ARPC2: variants seen among roughly 807,000 people sequenced by gnomAD.
ARPC2 encodes actin-related protein 2/3 complex subunit 2.
A neutral mutation model predicts 38.6 loss-of-function variants in ARPC2; 4 were observed. That is an observed-to-expected ratio of 0.10 (90% CI 0.05 to 0.24). The LOEUF is 0.24. ARPC2 is among the 10% of genes least tolerant of loss of function. The probability of loss-of-function intolerance (pLI) is 1.00; values close to 1 mark genes in which losing one functional copy is unlikely to be tolerated. For missense variants in ARPC2, 229 were observed against 387.3 expected, an observed-to-expected ratio of 0.59 and a Z score of 3.43; for synonymous variants, 125 against 140.8, an observed-to-expected ratio of 0.89 and a Z score of 0.79.
chr2:218,217,603 C>A, intron 2 of ARPC2, 59 bp downstream of exon 2: 1 of 1,507,590 alleles, frequency 6.6e-7, no homozygotes, highest in South Asian at 1.2e-5. Context: ...CCAGCTAATC[C>A]CCAATGTTGT....
intron 7 of ARPC2, among the ~76,000 whole-genome samples, chr2:218,239,820 C>A (rs181326688): frequency 2.6e-5 from 4 of 151,862 alleles, no homozygotes; most frequent in Admixed American, 2.6e-4. Context: ...CTCAAACTGC[C>A]GACCTCAGGT....
Position 218,245,455 on chromosome 2 carries a change from C to T in ARPC2, c.585C>T (p.Ala195=), listed in dbSNP as rs1343867007. The T allele has an allele frequency of 1.2e-6, 2 of 1,614,010 alleles. No individual in the cohort carries two copies. Among genetic ancestry groups the T allele is most frequent in the African/African-American group, 1.3e-5 (1 of 74,890 alleles). ...AAGGACGCAGAGCCAGCCACACAGC[C>T]CCACAGGTCCTCTTTAGCCACAGGG... is the stretch of plus-strand genomic sequence containing the variant. ...FKEGRRASHT[A]PQVLFSHREP... The change falls in exon 8 of 11, where the codon GCC becomes GCT. Residue 195 remains alanine (A), a synonymous_variant. Transcript: ENST00000315717.
intron 4 of ARPC2, chr2:218,232,996 C>G (rs1482846082): frequency 6.6e-6 from 1 of 151,052 alleles, no homozygotes; most frequent in African/African-American, 2.4e-5. Flanking sequence ...GTCACAGTGG[C>G]AATTAAATTT....
intron 3 of ARPC2, among the ~76,000 whole-genome samples, chr2:218,228,175 T>C (rs910697145): frequency 6.6e-6 from 1 of 151,870 alleles, no homozygotes; most frequent in African/African-American, 2.4e-5. Flanking sequence ...GAGGCTGAGG[T>C]GGGCAGATCA....
chr2:218,226,658 A>AT, intron 3 of ARPC2, among the ~76,000 whole-genome samples: 1 of 146,572 alleles, frequency 6.8e-6, no homozygotes, highest in Admixed American at 6.8e-5. Context: ...AAGCTTTGAC[A>AT]TTTTGGATAC....
intron 4 of ARPC2, 95 bp downstream of exon 4, chr2:218,228,945 C>T (rs1206564681): frequency 1.4e-6 from 1 of 740,736 alleles, no homozygotes; most frequent in Non-Finnish European, 2.3e-6. Context: ...AAATCACCCC[C>T]ACATGACTAC....
chr2:218,225,976 C>T, intron 3 of ARPC2, 22 bp downstream of exon 3: 3 of 1,612,296 alleles, frequency 1.9e-6, no homozygotes, highest in Non-Finnish European at 2.5e-6. Flanking sequence ...TATCTCAGCC[C>T]TCTGAAGAGA....
rs1157605559 is a variant in ARPC2 at position 218,254,300 on chromosome 2, C to G, written c.*385C>G. 5.2e-6 allele frequency: 1 copy of G among 190,774 alleles called. No individual in the cohort carries two copies. The highest frequency in any genetic ancestry group is 2.4e-5 in the African/African-American group (1 of 42,230). The allele number at this position is 190,774 out of a possible 1,614,324, so 11.8% of individuals were successfully genotyped here. A position where few individuals can be genotyped will look rare whatever the true frequency, so the allele number is the denominator to read the frequency against. ...GTATTTGAGTTCAAAACTCCTGTAT[C>G]TAAAGAAATACGGTTGGGGTCATTA... is the stretch of plus-strand genomic sequence containing the variant. On this transcript the variant is annotated 3_prime_UTR_variant, in exon 11 of 11. Coordinates refer to ENST00000315717, the MANE Select transcript of ARPC2 (RefSeq NM_152862.3).
chr2:218,221,140 G>C (rs10932763), intron 2 of ARPC2, among the ~76,000 whole-genome samples: 60,201 of 152,024 alleles, frequency 0.4, 12,558 homozygotes, highest in Middle Eastern at 0.53. Context: ...CCAAAATTGA[G>C]GAAATTCTGT....
At chr2:218,231,795 A>G (rs1182714497) in intron 4 of ARPC2, among the ~76,000 whole-genome samples, 1 of 152,230 alleles carries the variant, frequency 6.6e-6, no homozygotes, top group Non-Finnish European at 1.5e-5. Context: ...TTAAATAAAT[A>G]TGTGGAATAT....
At chr2:218,243,046 A>G (rs910055171) in intron 7 of ARPC2, among the ~76,000 whole-genome samples, 3 of 152,234 alleles carry the variant, frequency 2.0e-5, no homozygotes, top group African/African-American at 7.2e-5. Context: ...AAGGTTATAA[A>G]GAAATTTACC....
rs1574594702 is a variant in ARPC2 at position 218,248,039 on chromosome 2, C to T, written c.677-1325C>T. ...AAGCAATCCACTCACTTCAGCCTCCCAAAGTGCTGGGATTACAGGCGTGTG... is the reference window on the plus strand; with the variant it reads ...AAGCAATCCACTCACTTCAGCCTCCTAAAGTGCTGGGATTACAGGCGTGTG... On this transcript the variant is annotated intron_variant, in intron 8 of 10. Transcript: ENST00000315717. Among the ~76,000 whole-genome samples, 6 of 151,876 alleles carry T rather than the reference C, an allele frequency of 4.0e-5. No individual in the cohort carries two copies. The South Asian group carries it at 1.2e-3, about 32-fold the overall frequency.
At chr2:218,250,663 CAA>C (rs35549624) in intron 10 of ARPC2, among the ~76,000 whole-genome samples, 6 of 120,124 alleles carry the variant, frequency 5.0e-5, no homozygotes, top group African/African-American at 3.5e-5. Flanking sequence ...GACTTAGTCT[CAA>C]AAAAAAAAAA....
intron 4 of ARPC2, among the ~76,000 whole-genome samples, chr2:218,230,939 G>A (rs1689619780): frequency 6.6e-6 from 1 of 152,162 alleles, no homozygotes; most frequent in African/African-American, 2.4e-5. Flanking sequence ...TCCATTCTGT[G>A]CTTTTCTTAC....
chr2:218,228,845 G>A lies in ARPC2; in HGVS notation c.217G>A (p.Asp73Asn), dbSNP rs1162897270. The change falls in exon 4 of 11, where the codon GAT becomes AAT. Residue 73 changes from aspartate to asparagine, a missense_variant. By Grantham distance (23) the Asp-to-Asn change is conservative. Around this residue, in one of 3 missense-constraint regions of ARPC2, gnomAD observed 135 missense variants for 214.1 expected, o/e 0.63. Coordinates refer to ENST00000315717, the MANE Select transcript of ARPC2 (RefSeq NM_152862.3). ...FYKELQAHGA[D>N]ELLKRVYGSF... Reference sequence around the variant, plus strand: ...CAAGGAACTTCAGGCACATGGTGCTGATGAGGTAAGATCCACATCATTTTC... The same window carrying A: ...CAAGGAACTTCAGGCACATGGTGCTAATGAGGTAAGATCCACATCATTTTC... The A allele has an allele frequency of 1.3e-6, 2 of 1,559,714 alleles. No homozygotes were observed. Among genetic ancestry groups the A allele is most frequent in the Non-Finnish European group, 1.8e-6 (2 of 1,131,156 alleles).
At chr2:218,225,353 G>A (rs1236122214) in intron 2 of ARPC2, among the ~76,000 whole-genome samples, 1 of 152,246 alleles carries the variant, frequency 6.6e-6, no homozygotes, top group Non-Finnish European at 1.5e-5. Context: ...TAGAACTAAA[G>A]AGGGTTTCTT....
intron 5 of ARPC2, 133 bp from the exon 6 acceptor site, chr2:218,238,531 G>GA (rs1228768340): frequency 2.1e-5 from 13 of 622,624 alleles, no homozygotes; most frequent in African/African-American, 5.8e-5. Flanking sequence ...AATAGAACCT[G>GA]AAAAAAGATT....
In ARPC2 at chr2:218,244,758, C is replaced by A. The variant is rs1340246570; in HGVS notation, c.550-662C>A. ...CTAAAACAAGAGACCTTGGAGAGTC[C>A]TTGGCAGCATCCTCCTGCTGTCTAT... is the stretch of plus-strand genomic sequence containing the variant. On this transcript the variant is annotated intron_variant, in intron 7 of 10. Coordinates refer to ENST00000315717, the MANE Select transcript of ARPC2 (RefSeq NM_152862.3). Among the ~76,000 whole-genome samples the A allele has an allele frequency of 6.6e-5, 10 of 152,368 alleles. No homozygotes were observed. In the East Asian group the frequency reaches 1.9e-3, roughly 29 times the overall value.
At chr2:218,240,804 A>G (rs1241510190) in intron 7 of ARPC2, among the ~76,000 whole-genome samples, 2 of 152,088 alleles carry the variant, frequency 1.3e-5, no homozygotes, top group African/African-American at 4.8e-5. Context: ...GAGGCAGGAG[A>G]ATCTCTTGAA....
Sources: allele counts gnomAD v4.1 joint callset (sites outside exome capture counted in the v4.1 genomes callset), GRCh38; gene constraint gnomAD v4.1.1; regional missense constraint gnomAD v4.1.1; transcripts MANE v1.5; gene names NCBI Gene and HGNC (gene_info 2026-07-23, HGNC 2026-07-21).